ARK2N: variants seen among roughly 807,000 people sequenced by gnomAD.
ARK2N encodes the protein arkadia (RNF111) N-terminal like PKA signaling regulator 2N.
the ARK2N span, among the ~76,000 whole-genome samples, chr18:46,189,076 G>A: frequency 6.6e-5 from 10 of 152,144 alleles, no homozygotes; most frequent in African/African-American, 1.9e-4. Flanking sequence ...TTAGCCAGGC[G>A]TGGTGGCCGG....
chr18:46,189,196 CAG>C, the ARK2N span, among the ~76,000 whole-genome samples: 1 of 114,470 alleles, frequency 8.7e-6, no homozygotes, highest in Non-Finnish European at 1.6e-5. Context: ...GCCTGGGTGA[CAG>C]AGCGAGACTG....
the ARK2N span, among the ~76,000 whole-genome samples, chr18:46,177,823 C>T: frequency 3.3e-5 from 5 of 152,026 alleles, no homozygotes; most frequent in African/African-American, 9.6e-5. Context: ...GTGGAAGGAT[C>T]GCTCAGGAGG....
At chr18:46,212,990 ATTTTTTTTTTTTTTT>A in the ARK2N span, among the ~76,000 whole-genome samples, 10 of 80,524 alleles carry the variant, frequency 1.2e-4, no homozygotes, top group East Asian at 2.5e-3. Context: ...TTTAAGAAGA[ATTTTTTTTTTTTTTT>A]TTTTTTTTTT....
the ARK2N span, among the ~76,000 whole-genome samples, chr18:46,181,443 T>TGGTGGATTATGCCTGTAATCCCAGCAC: frequency 6.6e-6 from 1 of 151,130 alleles, no homozygotes; most frequent in Non-Finnish European, 1.5e-5. Flanking sequence ...GTGCCAGGCA[T>TGGTGGATTATGCCTGTAATCCCAGCAC]GGTGGCTTAT....
the ARK2N span, among the ~76,000 whole-genome samples, chr18:46,177,524 C>T: frequency 4.8e-3 from 717 of 149,638 alleles, 9 homozygotes; most frequent in African/African-American, 0.016. Flanking sequence ...CTCTGCCTTC[C>T]GGGTTCAAAT....
chr18:46,215,998 C>G, the ARK2N span: 1 of 1,614,114 alleles, frequency 6.2e-7, no homozygotes, highest in Admixed American at 1.7e-5. Flanking sequence ...ACTGGAATCT[C>G]AAGTTCAGAA....
chr18:46,258,475 A>G, the ARK2N span, among the ~76,000 whole-genome samples: 1 of 152,102 alleles, frequency 6.6e-6, no homozygotes, highest in African/African-American at 2.4e-5. Flanking sequence ...CTTCATTTCC[A>G]CTGTGCAGCC....
the ARK2N span, among the ~76,000 whole-genome samples, chr18:46,177,047 G>A: frequency 1.6e-4 from 24 of 152,222 alleles, no homozygotes; most frequent in African/African-American, 4.3e-4. Flanking sequence ...AACTGCACCC[G>A]GCCTAAATGT....
the ARK2N span, among the ~76,000 whole-genome samples, chr18:46,223,698 A>G: frequency 3.9e-5 from 6 of 152,316 alleles, no homozygotes; most frequent in East Asian, 1.2e-3. Context: ...GGTTGATTCC[A>G]TCAATCATTC....
At chr18:46,229,797 T>A in the ARK2N span, among the ~76,000 whole-genome samples, 1 of 151,978 alleles carries the variant, frequency 6.6e-6, no homozygotes, top group African/African-American at 2.4e-5. Flanking sequence ...AAAGGTGGGG[T>A]CTTGCTCTGT....
At chr18:46,257,303 T>G in the ARK2N span, among the ~76,000 whole-genome samples, 1 of 152,342 alleles carries the variant, frequency 6.6e-6, no homozygotes, top group Non-Finnish European at 1.5e-5. Context: ...TCAGTAATTC[T>G]AGTTGTGATA....
the ARK2N span, among the ~76,000 whole-genome samples, chr18:46,214,792 A>C: frequency 6.6e-6 from 1 of 152,202 alleles, no homozygotes; most frequent in Non-Finnish European, 1.5e-5. Flanking sequence ...TTCTGTATTT[A>C]GTGACCATTG....
At chr18:46,204,765 C>G in the ARK2N span, among the ~76,000 whole-genome samples, 2 of 151,990 alleles carry the variant, frequency 1.3e-5, no homozygotes. Context: ...GTGCTTTTGT[C>G]AGTTTATGGT....
At chr18:46,240,182 A>T in the ARK2N span, 2 of 1,614,136 alleles carry the variant, frequency 1.2e-6, no homozygotes, top group Non-Finnish European at 1.7e-6. Context: ...CTGAATGCAG[A>T]GGCAGGTTGG....
chr18:46,178,891 C>G, the ARK2N span, among the ~76,000 whole-genome samples: 3 of 131,736 alleles, frequency 2.3e-5, no homozygotes, highest in Non-Finnish European at 4.8e-5. Context: ...GAGACTCTTT[C>G]TCAAAAAAAA....
chr18:46,231,189 T>C, the ARK2N span, among the ~76,000 whole-genome samples: 8 of 152,216 alleles, frequency 5.3e-5, no homozygotes, highest in Non-Finnish European at 8.8e-5. Context: ...ACATGAAGTT[T>C]TACTTTTTTA....
At chr18:46,235,031 G>A in the ARK2N span, among the ~76,000 whole-genome samples, 2,656 of 152,194 alleles carry the variant, frequency 0.017, 73 homozygotes, top group African/African-American at 0.06. Flanking sequence ...TAGAAAGGGA[G>A]GGGGGAATGA....
chr18:46,190,813 T>C, the ARK2N span, among the ~76,000 whole-genome samples: 53 of 152,358 alleles, frequency 3.5e-4, no homozygotes, highest in South Asian at 1.0e-3. Context: ...TATTGCCTTA[T>C]CCAAGTCTGT....
chr18:46,238,829 T>G, the ARK2N span, among the ~76,000 whole-genome samples: 1 of 152,210 alleles, frequency 6.6e-6, no homozygotes, highest in African/African-American at 2.4e-5. Flanking sequence ...TAGTAATACT[T>G]CATTGTGTTA....
Sources: allele counts gnomAD v4.1 joint callset (sites outside exome capture counted in the v4.1 genomes callset), GRCh38; gene constraint gnomAD v4.1.1; transcripts MANE v1.5; gene names NCBI Gene and HGNC (gene_info 2026-07-23, HGNC 2026-07-21).